STXBP4: variants seen among roughly 807,000 people sequenced by gnomAD.
STXBP4 encodes syntaxin binding protein 4.
STXBP4 carries 55 observed loss-of-function variants against 76.1 expected under a neutral mutation model. The ratio of observed to expected loss-of-function variants is 0.72; its 90% CI spans 0.58 to 0.91. STXBP4 has a LOEUF of 0.91. Ranked by LOEUF, STXBP4 falls within the 40% of genes least tolerant of loss-of-function variation. The pLI is 0.00. For synonymous variants in STXBP4, 201 were observed against 220.2 expected (o/e 0.91, Z 0.77); for missense variants, 618 against 636.9 (o/e 0.97, Z 0.32).
intron 12 of STXBP4, among the ~76,000 whole-genome samples, chr17:55,050,607 AAGC>A (rs1454389086): frequency 6.6e-6 from 1 of 152,198 alleles, no homozygotes; most frequent in African/African-American, 2.4e-5. Flanking sequence ...CCTGGAAGAG[AAGC>A]AGAATATTAA....
chr17:55,200,714 A>C, the STXBP4 span, among the ~76,000 whole-genome samples: 6 of 152,190 alleles, frequency 3.9e-5, no homozygotes, highest in African/African-American at 1.4e-4. Flanking sequence ...AAGTCTGGAG[A>C]TGATTTTCAG....
chr17:55,172,236 G>C lies in STXBP4; in HGVS notation c.*12325G>C, dbSNP rs923062580. 1 of 152,216 alleles carries C rather than the reference G, an allele frequency of 6.6e-6. No homozygotes were observed. The highest frequency in any genetic ancestry group is 2.4e-5 in the African/African-American group (1 of 41,446). The allele number at this position is 152,216 out of a possible 1,614,324, so 9.4% of individuals were successfully genotyped here. A position where few individuals can be genotyped will look rare whatever the true frequency, so the allele number is the denominator to read the frequency against. ...CTGGTATATTAAGAGGCTCTTGGTA[G>C]CACATTAGAAACACCTGGAGAGATT... is the stretch of plus-strand genomic sequence containing the variant. On this transcript the variant is annotated 3_prime_UTR_variant, in exon 18 of 18. Coordinates refer to ENST00000376352, the MANE Select transcript of STXBP4 (RefSeq NM_178509.6).
intron 10 of STXBP4, 38 bp downstream of exon 10, chr17:55,034,297 A>T: frequency 1.4e-6 from 2 of 1,443,756 alleles, no homozygotes; most frequent in Non-Finnish European, 1.9e-6. Context: ...GACATGTATA[A>T]GTCACAAGTC....
Position 55,139,636 on chromosome 17 carries a change from C to T in STXBP4, c.1490-1674C>T, listed in dbSNP as rs181104160. 1.4e-4 allele frequency among the ~76,000 whole-genome samples: 21 copies of T among 152,162 alleles called. No individual in the cohort carries two copies. In the East Asian group the frequency reaches 3.5e-3, roughly 25 times the overall value. On this transcript the variant is annotated intron_variant, in intron 16 of 17. Transcript: ENST00000376352. ...GGTGCAGCAGAGCAGTTTATCATGG[C>T]GCATCTGGCTGAGCATGTGCTTGCA...
chr17:55,156,517 CT>C (rs2080278987), intron 17 of STXBP4, among the ~76,000 whole-genome samples: 1 of 152,152 alleles, frequency 6.6e-6, no homozygotes, highest in Non-Finnish European at 1.5e-5. Context: ...ATAAAACTAG[CT>C]ATGATTATTT....
chr17:54,978,591 T>C (rs2077503704), intron 1 of STXBP4, among the ~76,000 whole-genome samples: 1 of 152,070 alleles, frequency 6.6e-6, no homozygotes. Context: ...GAAAATAACA[T>C]AAAGGGTAAA....
intron 9 of STXBP4, among the ~76,000 whole-genome samples, chr17:55,033,240 G>A (rs1301110609): frequency 6.6e-6 from 1 of 152,054 alleles, no homozygotes; most frequent in Non-Finnish European, 1.5e-5. Context: ...TGGGCATGGT[G>A]GTGCACGCCT....
chr17:55,175,092 T>G (rs1350973063), downstream of STXBP4, among the ~76,000 whole-genome samples: 1 of 151,758 alleles, frequency 6.6e-6, no homozygotes, highest in Non-Finnish European at 1.5e-5. Context: ...CCAACAAACA[T>G]TTTTTGAGTG....
At chr17:55,200,770 T>C in the STXBP4 span, among the ~76,000 whole-genome samples, 1 of 152,244 alleles carries the variant, frequency 6.6e-6, no homozygotes, top group Non-Finnish European at 1.5e-5. Flanking sequence ...TCCAATTTGA[T>C]TGAATGTACA....
chr17:55,049,919 A>T lies in STXBP4; in HGVS notation c.1011+2765A>T, dbSNP rs79166583. Among the ~76,000 whole-genome samples the T allele has an allele frequency of 5.6e-4, 85 of 152,178 alleles. No homozygotes were observed. In the East Asian group the frequency reaches 0.016, roughly 28 times the overall value. On this transcript the variant is annotated intron_variant, in intron 12 of 17. Coordinates refer to ENST00000376352, the MANE Select transcript of STXBP4 (RefSeq NM_178509.6). ...CAAGATGGTTTCACAGAGAAATTTA[A>T]CCAAACCTTTGACAGTCTCAAAACT...
chr17:55,200,846 G>A, the STXBP4 span, among the ~76,000 whole-genome samples: 1 of 152,180 alleles, frequency 6.6e-6, no homozygotes, highest in East Asian at 1.9e-4. Flanking sequence ...CAAACATAGT[G>A]CATATGTTAG....
At chr17:55,038,109 C>G (rs967512866) in intron 10 of STXBP4, among the ~76,000 whole-genome samples, 1 of 152,026 alleles carries the variant, frequency 6.6e-6, no homozygotes, top group African/African-American at 2.4e-5. Context: ...GCATGTATGT[C>G]TTTTATTCAT....
At chr17:54,987,992 G>C (rs1358260156) in intron 3 of STXBP4, among the ~76,000 whole-genome samples, 2 of 152,118 alleles carry the variant, frequency 1.3e-5, no homozygotes, top group Non-Finnish European at 2.9e-5. Flanking sequence ...TAGGAAAAAA[G>C]AGTATATAAT....
At chr17:55,075,934 G>T (rs1318163456) in intron 13 of STXBP4, among the ~76,000 whole-genome samples, 2 of 152,024 alleles carry the variant, frequency 1.3e-5, no homozygotes, top group Non-Finnish European at 2.9e-5. Flanking sequence ...CCTCCTCCCT[G>T]GTAGCCAGTT....
intron 10 of STXBP4, among the ~76,000 whole-genome samples, chr17:55,036,281 A>C (rs2078600866): frequency 6.6e-6 from 1 of 151,954 alleles, no homozygotes; most frequent in Non-Finnish European, 1.5e-5. Flanking sequence ...TCTTGGGAAG[A>C]ATCAACGTCT....
At chr17:55,096,460 A>G (rs2079487730) in intron 16 of STXBP4, among the ~76,000 whole-genome samples, 1 of 152,182 alleles carries the variant, frequency 6.6e-6, no homozygotes, top group East Asian at 1.9e-4. Flanking sequence ...ATGACTTACA[A>G]ATATTCAGGA....
rs988017302 is a variant in STXBP4 at position 55,084,697 on chromosome 17, T to C, written c.1489+3514T>C. ...AGGGATCCAGTTTCAGCTTTCTACA[T>C]ATGGCTAGCCAGTTTTCCCAGCACC... On this transcript the variant is annotated intron_variant, in intron 16 of 17. Transcript: ENST00000376352. 2.6e-5 allele frequency among the ~76,000 whole-genome samples: 4 copies of C among 152,096 alleles called. No homozygotes were observed. The South Asian group carries it at 8.3e-4, about 32-fold the overall frequency.
At chr17:55,150,042 C>T (rs895144026) in intron 17 of STXBP4, among the ~76,000 whole-genome samples, 4 of 152,062 alleles carry the variant, frequency 2.6e-5, no homozygotes, top group African/African-American at 7.2e-5. Flanking sequence ...TTTGAAAACT[C>T]GTAACCTTTC....
At chr17:55,048,848 A>G (rs926706750) in intron 12 of STXBP4, among the ~76,000 whole-genome samples, 3 of 151,920 alleles carry the variant, frequency 2.0e-5, no homozygotes, top group African/African-American at 7.2e-5. Context: ...TGAACAGCCT[A>G]ATACTTAGAA....
Sources: allele counts gnomAD v4.1 joint callset (sites outside exome capture counted in the v4.1 genomes callset), GRCh38; gene constraint gnomAD v4.1.1; transcripts MANE v1.5; gene names NCBI Gene and HGNC (gene_info 2026-07-23, HGNC 2026-07-21).